Variants in DSCAM observed in about 807,000 individuals in gnomAD.
DSCAM encodes DS cell adhesion molecule, also known as cell adhesion molecule DSCAM.
Under a neutral mutation model 217.7 loss-of-function variants are expected in DSCAM, and 47 were observed. The ratio of observed to expected loss-of-function variants is 0.22; its 90% CI spans 0.17 to 0.28. The LOEUF (loss-of-function observed/expected upper bound fraction) is 0.28. Ranked by LOEUF, DSCAM falls within the 10% of genes least tolerant of loss-of-function variation. DSCAM has a pLI of 1.00. For missense variants in DSCAM, 2,080 were observed against 2,618.3 expected (o/e 0.79, Z 4.49); for synonymous variants, 1,056 against 1,015.3 (o/e 1.04, Z -0.76).
At chr21:40,656,555 C>T (rs1042910662) in intron 3 of DSCAM, among the ~76,000 whole-genome samples, 5 of 152,048 alleles carry the variant, frequency 3.3e-5, no homozygotes, top group South Asian at 2.1e-4. Flanking sequence ...TGCACAAGTC[C>T]GGTATGTTCT....
At chr21:40,116,231 G>A (rs936570797) in intron 20 of DSCAM, among the ~76,000 whole-genome samples, 2 of 152,038 alleles carry the variant, frequency 1.3e-5, no homozygotes, top group African/African-American at 4.8e-5. Flanking sequence ...TTAATACTTG[G>A]GTGATGAAAT....
intron 3 of DSCAM, among the ~76,000 whole-genome samples, chr21:40,426,520 T>C (rs758887076): frequency 1.3e-5 from 2 of 152,164 alleles, no homozygotes; most frequent in Non-Finnish European, 2.9e-5. Flanking sequence ...ACATTCTAAA[T>C]TGTTAAAGGT....
intron 3 of DSCAM, among the ~76,000 whole-genome samples, chr21:40,407,374 C>G (rs778534442): frequency 1.3e-5 from 2 of 152,218 alleles, no homozygotes; most frequent in Admixed American, 6.5e-5. Context: ...TGTGAGACAA[C>G]TTTGCCTTAA....
chr21:40,714,233 C>T (rs2090815431), intron 1 of DSCAM, among the ~76,000 whole-genome samples: 1 of 152,158 alleles, frequency 6.6e-6, no homozygotes, highest in Admixed American at 6.5e-5. Flanking sequence ...AGAGACTGTC[C>T]ACTAGAGTAA....
At chr21:40,424,941 C>CA (rs1204579854) in intron 3 of DSCAM, among the ~76,000 whole-genome samples, 2 of 150,812 alleles carry the variant, frequency 1.3e-5, no homozygotes, top group Non-Finnish European at 3.0e-5. Context: ...ATTAAAAATA[C>CA]AAAAAAATTA....
chr21:40,754,453 G>A (rs1047810376), intron 1 of DSCAM, among the ~76,000 whole-genome samples: 6 of 152,180 alleles, frequency 3.9e-5, no homozygotes, highest in East Asian at 1.9e-4. Flanking sequence ...AAAGGAAGAC[G>A]GTCAATGAAG....
chr21:40,340,957 C>T (rs1284457117), intron 6 of DSCAM, among the ~76,000 whole-genome samples: 1 of 152,120 alleles, frequency 6.6e-6, no homozygotes, highest in African/African-American at 2.4e-5. Context: ...GGTGATGGGG[C>T]TGTGCTGCAG....
chr21:40,064,666 G>A (rs2089179573), intron 27 of DSCAM, among the ~76,000 whole-genome samples: 1 of 152,160 alleles, frequency 6.6e-6, no homozygotes, highest in African/African-American at 2.4e-5. Flanking sequence ...GGGGAGCTTT[G>A]CCATGAATGG....
chr21:40,360,122 TC>T (rs71186928), intron 4 of DSCAM, among the ~76,000 whole-genome samples: 7,075 of 27,262 alleles, frequency 0.26, 2,215 homozygotes, highest in South Asian at 0.34. Flanking sequence ...TCATAGGTAG[TC>T]TTTTTTTTTT....
At chr21:40,558,008 G>A (rs1454706224) in intron 3 of DSCAM, among the ~76,000 whole-genome samples, 1 of 151,840 alleles carries the variant, frequency 6.6e-6, no homozygotes, top group East Asian at 1.9e-4. Context: ...CGTTGGGCAT[G>A]TAAAAGGTTT....
intron 3 of DSCAM, among the ~76,000 whole-genome samples, chr21:40,649,885 G>GGA (rs759520069): frequency 6.6e-5 from 10 of 151,978 alleles, no homozygotes; most frequent in South Asian, 4.2e-4. Flanking sequence ...AAGGAAACTT[G>GGA]GAGAGAGAGA....
chr21:40,386,906 G>A (rs2075091221), intron 3 of DSCAM, among the ~76,000 whole-genome samples: 1 of 151,902 alleles, frequency 6.6e-6, no homozygotes, highest in Non-Finnish European at 1.5e-5. Context: ...TTCCCTCTAG[G>A]ATTAAGTTTT....
chr21:40,361,975 A>G (rs540880606), intron 4 of DSCAM, among the ~76,000 whole-genome samples: 59 of 152,190 alleles, frequency 3.9e-4, no homozygotes, highest in African/African-American at 1.1e-3. Flanking sequence ...TCCTGTGTCC[A>G]TGTGTTCTCA....
chr21:40,512,760 G>A (rs898839771), intron 3 of DSCAM, among the ~76,000 whole-genome samples: 5 of 152,028 alleles, frequency 3.3e-5, no homozygotes, highest in Admixed American at 2.6e-4. Context: ...TTCACACCTG[G>A]GCAAGGCCTC....
At chr21:40,490,163 G>C (rs552316503) in intron 3 of DSCAM, among the ~76,000 whole-genome samples, 2 of 152,162 alleles carry the variant, frequency 1.3e-5, no homozygotes, top group South Asian at 4.2e-4. Context: ...ATTATCATGA[G>C]AACAGCCCAG....
chr21:40,330,717 T>C (rs1452482969), intron 8 of DSCAM, among the ~76,000 whole-genome samples: 2 of 152,080 alleles, frequency 1.3e-5, no homozygotes, highest in East Asian at 3.8e-4. Context: ...TCCATTTAAG[T>C]ATATTGAAGC....
At chr21:40,096,110 A>T (rs2089672124) in intron 20 of DSCAM, among the ~76,000 whole-genome samples, 2 of 152,178 alleles carry the variant, frequency 1.3e-5, no homozygotes, top group South Asian at 4.1e-4. Flanking sequence ...CCCTCTGCTC[A>T]CTGAGATAGA....
chr21:40,017,663 C>T (rs564462772), intron 32 of DSCAM, among the ~76,000 whole-genome samples: 44 of 152,156 alleles, frequency 2.9e-4, no homozygotes, highest in Admixed American at 1.7e-3. Flanking sequence ...GCGATTCTCC[C>T]CCCTCAGCCT....
chr21:40,419,647 G>C (rs1174510516), intron 3 of DSCAM, among the ~76,000 whole-genome samples: 1 of 152,132 alleles, frequency 6.6e-6, no homozygotes, highest in African/African-American at 2.4e-5. Flanking sequence ...AAATTACTCA[G>C]ATACATCTTC....
Sources: gnomAD v4.1 joint callset for allele counts (sites outside exome capture counted in the v4.1 genomes callset) on GRCh38, gnomAD v4.1.1 for gene constraint, MANE v1.5 for transcripts, NCBI Gene and HGNC (gene_info 2026-07-23, HGNC 2026-07-21) for gene names.